IGSF3: variants seen among roughly 807,000 people sequenced by gnomAD.
IGSF3 encodes glu-Trp-Ile EWI motif-containing protein 3.
Under a neutral mutation model 114.4 loss-of-function variants are expected in IGSF3, and 23 were observed. The observed-to-expected ratio is 0.20, with a 90% CI of 0.14 to 0.28. The LOEUF (loss-of-function observed/expected upper bound fraction) is 0.28. Among genes scored for constraint, IGSF3 ranks in the 10% least tolerant of loss-of-function variants. IGSF3 has a pLI of 1.00. For synonymous variants in IGSF3, 571 were observed against 645.2 expected (o/e 0.88, Z 1.74); for missense variants, 1,172 against 1,591.5 (o/e 0.74, Z 4.48).
At position 116,638,880 on chromosome 1, in the gene IGSF3, A is replaced by T. The variant is rs1647953687; in HGVS notation, c.44-22423T>A. On this transcript the variant is annotated intron_variant, in intron 2 of 10. Transcript: ENST00000369486. This position sits in a 1 kb window ranked among gnomAD's most constrained non-coding sequence, Gnocchi z 4.1. ...ACCTGCAGATGAGTATGGCACCCCA[A>T]GGTTAAGTATCTGCCCAGGGTCACG... Among the ~76,000 whole-genome samples the T allele has an allele frequency of 6.6e-6, 1 of 152,172 alleles. No individual in the cohort carries two copies. Among genetic ancestry groups the T allele is most frequent in the Admixed American group, 6.5e-5 (1 of 15,282 alleles).
chr1:116,606,359 T>A (rs768676075), intron 5 of IGSF3: 13 of 1,141,738 alleles, frequency 1.1e-5, no homozygotes, highest in Non-Finnish European at 1.4e-5. Flanking sequence ...CTACGAGGAT[T>A]TGAGAGGTGG....
Position 116,662,805 on chromosome 1 carries a change from G to A in IGSF3, c.43+3479C>T, listed in dbSNP as rs1649168220. ...TTCTTTCAGAACCCTTCTCCTGATTGCTCCAAACCATCTCACTTTTCTCTG... is the reference window on the plus strand; with the variant it reads ...TTCTTTCAGAACCCTTCTCCTGATTACTCCAAACCATCTCACTTTTCTCTG... On this transcript the variant is annotated intron_variant, in intron 2 of 10. Transcript: ENST00000369486. This position sits in a 1 kb window ranked among gnomAD's most constrained non-coding sequence, Gnocchi z 4.3. Among the ~76,000 whole-genome samples the A allele has an allele frequency of 6.6e-6, 1 of 152,222 alleles. No homozygotes were observed. Among genetic ancestry groups the A allele is most frequent in the African/African-American group, 2.4e-5 (1 of 41,540 alleles).
chr1:116,588,902 G>C lies in IGSF3; in HGVS notation c.2232C>G (p.Tyr744Ter), dbSNP rs200041627. 1 of 1,614,042 alleles carries C rather than the reference G, an allele frequency of 6.2e-7. No homozygotes were observed. Among genetic ancestry groups the C allele is most frequent in the African/African-American group, 1.3e-5 (1 of 74,910 alleles). ...THNSAFEYGTYAEEEGLRARL... is the reference protein window; with the variant it reads ...THNSAFEYGT The stretch of plus-strand genomic sequence containing the variant: ...TGGCTCTCAGGCCCTCCTCCTCGGC[G>C]TAAGTACCGTATTCAAAGGCGGAGT... Residue 744 changes from tyrosine (Y) to a stop codon, truncating the protein, a stop_gained, in exon 8 of 11, where the codon TAC becomes TAG. Transcript: ENST00000369486. LOFTEE classifies it high-confidence loss of function. The surrounding 1 kb of genome is among the most constrained non-coding windows in gnomAD (Gnocchi z 4.9).
chr1:116,606,988 T>C (rs1263363031), intron 5 of IGSF3, among the ~76,000 whole-genome samples: 1 of 152,184 alleles, frequency 6.6e-6, no homozygotes, highest in Admixed American at 6.5e-5. Context: ...CTGTGGCTAC[T>C]TGAAGAGAAA....
chr1:116,616,270 A>G lies in IGSF3; in HGVS notation c.231T>C (p.Ser77=), dbSNP rs1661214145. The part of the protein sequence containing the change: ...REVQIVSTMD[S]SFPYAIYTQR... Reference sequence around the variant, plus strand: ...GGGTGTAGATGGCATAGGGGAAGGAAGAGTCCATGGTGCTGACGATCTGCA... The same window carrying G: ...GGGTGTAGATGGCATAGGGGAAGGAGGAGTCCATGGTGCTGACGATCTGCA... Residue 77 remains serine, a synonymous_variant, in exon 3 of 11, where the codon TCT becomes TCC. Coordinates refer to ENST00000369486, the MANE Select transcript of IGSF3 (RefSeq NM_001007237.3). This position sits in a 1 kb window ranked among gnomAD's most constrained non-coding sequence, Gnocchi z 6.6. 3 of 1,611,572 alleles carry G rather than the reference A, an allele frequency of 1.9e-6. No homozygotes were observed. The highest frequency in any genetic ancestry group is 1.3e-5 in the African/African-American group (1 of 74,884).
intron 10 of IGSF3, among the ~76,000 whole-genome samples, chr1:116,578,827 A>T (rs1462614479): frequency 3.3e-5 from 5 of 152,134 alleles, no homozygotes; most frequent in Non-Finnish European, 7.3e-5. Context: ...GATCATGGAA[A>T]CTGCATTCTG....
In IGSF3 at chr1:116,584,154, A is replaced by G. The variant is rs901140930; in HGVS notation, c.2848+491T>C. 1.3e-5 allele frequency among the ~76,000 whole-genome samples: 2 copies of G among 151,720 alleles called. No homozygotes were observed. The highest frequency in any genetic ancestry group is 6.6e-5 in the Admixed American group (1 of 15,238). On this transcript the variant is annotated intron_variant, in intron 9 of 10. Coordinates refer to ENST00000369486, the MANE Select transcript of IGSF3 (RefSeq NM_001007237.3). The surrounding 1 kb of genome is among the most constrained non-coding windows in gnomAD (Gnocchi z 5.8). ...CAGTGAGCCGAGATCGCACCACTGC[A>G]CTCTGCACTCCAGCCTGGGTGACAG...
Position 116,625,363 on chromosome 1 carries a change from T to A in IGSF3, c.44-8906A>T, listed in dbSNP as rs1358204235. The stretch of plus-strand genomic sequence containing the variant: ...AAAAAGCAGTGACATCTGAATTGGG[T>A]CCCAAAGCACAAGGGAAATATATAC... On this transcript the variant is annotated intron_variant, in intron 2 of 10. Coordinates refer to ENST00000369486, the MANE Select transcript of IGSF3 (RefSeq NM_001007237.3). This position sits in a 1 kb window ranked among gnomAD's most constrained non-coding sequence, Gnocchi z 4.7. Among the ~76,000 whole-genome samples, 1 of 152,192 alleles carries A rather than the reference T, an allele frequency of 6.6e-6. No individual in the cohort carries two copies. Among genetic ancestry groups the A allele is most frequent in the African/African-American group, 2.4e-5 (1 of 41,462 alleles).
At position 116,666,491 on chromosome 1, in the gene IGSF3, TG is replaced by T. The variant is rs1345769954; in HGVS notation, c.-166del. The T allele has an allele frequency of 1.7e-4, 113 of 684,116 alleles. No homozygotes were observed. The highest frequency in any genetic ancestry group is 6.1e-4 in the South Asian group (34 of 56,012). The allele number at this position is 684,116 out of a possible 1,614,324, so 42.4% of individuals were successfully genotyped here. A position where few individuals can be genotyped will look rare whatever the true frequency, so the allele number is the denominator to read the frequency against. Reference sequence around the variant, plus strand: ...AAAGAAGAGATCAGAAGGAGGGAGTTGGGGGGAAGGGGAGGAGTGGAGGCAA... The same window carrying T: ...AAAGAAGAGATCAGAAGGAGGGAGTTGGGGGAAGGGGAGGAGTGGAGGCAA... On this transcript the variant is annotated 5_prime_UTR_variant, in exon 2 of 11. Transcript: ENST00000369486.
chr1:116,657,124 C>CA lies in IGSF3; in HGVS notation c.43+9159dup, dbSNP rs994044257. On this transcript the variant is annotated intron_variant, in intron 2 of 10. Transcript: ENST00000369486. This position sits in a 1 kb window ranked among gnomAD's most constrained non-coding sequence, Gnocchi z 4.2. ...AAGATTTCCTTTTGGGGGCGTTATA[C>CA]AAAAAAGACTGTAAAATTTCATTCT... 2.6e-5 allele frequency among the ~76,000 whole-genome samples: 4 copies of CA among 151,968 alleles called. No individual in the cohort carries two copies. The highest frequency in any genetic ancestry group is 1.9e-4 in the East Asian group (1 of 5,196).
rs1472714248 is a variant in IGSF3, at chr1:116,589,557, G to A, written c.2030-453C>T. Among the ~76,000 whole-genome samples, 1 of 152,046 alleles carries A rather than the reference G, an allele frequency of 6.6e-6. No individual in the cohort carries two copies. Among genetic ancestry groups the A allele is most frequent in the Non-Finnish European group, 1.5e-5 (1 of 68,002 alleles). On this transcript the variant is annotated intron_variant, in intron 7 of 10. Transcript: ENST00000369486. This position sits in a 1 kb window ranked among gnomAD's most constrained non-coding sequence, Gnocchi z 5.7. ...TCACCCTCAGGCACCCTCCACAGGC[G>A]CATGCCCCTGGTGCAGTTTCCCTGA... is the stretch of plus-strand genomic sequence containing the variant.
In IGSF3 at chr1:116,592,667, C is replaced by T. The variant is rs1405648695; in HGVS notation, c.2030-3563G>A. Among the ~76,000 whole-genome samples, 1 of 152,190 alleles carries T rather than the reference C, an allele frequency of 6.6e-6. No homozygotes were observed. Among genetic ancestry groups the T allele is most frequent in the Non-Finnish European group, 1.5e-5 (1 of 68,028 alleles). ...CGGATTCCACTCTGTGCGTGCTCTT[C>T]TCACTCAAAACTCATTTATTTCTTC... is the stretch of plus-strand genomic sequence containing the variant. On this transcript the variant is annotated intron_variant, in intron 7 of 10. Coordinates refer to ENST00000369486, the MANE Select transcript of IGSF3 (RefSeq NM_001007237.3). The surrounding 1 kb of genome is among the most constrained non-coding windows in gnomAD (Gnocchi z 4.5).
chr1:116,663,206 A>T (rs1649184699), intron 2 of IGSF3, among the ~76,000 whole-genome samples: 1 of 152,188 alleles, frequency 6.6e-6, no homozygotes, highest in African/African-American at 2.4e-5. Context: ...TCTAAAGCTT[A>T]TATTCATCTT....
In IGSF3 at chr1:116,632,298, A is replaced by G. The variant is rs534329562; in HGVS notation, c.44-15841T>C. On this transcript the variant is annotated intron_variant, in intron 2 of 10. Transcript: ENST00000369486. This position sits in a 1 kb window ranked among gnomAD's most constrained non-coding sequence, Gnocchi z 5.1. ...AAACCTCCCACCCCACCTAGTGCTG[A>G]TAACAGGAGTTATCAGTTGCTTTTT... is the stretch of plus-strand genomic sequence containing the variant. 1.3e-5 allele frequency among the ~76,000 whole-genome samples: 2 copies of G among 152,294 alleles called. No individual in the cohort carries two copies. The highest frequency in any genetic ancestry group is 1.9e-4 in the East Asian group (1 of 5,180).
intron 5 of IGSF3, among the ~76,000 whole-genome samples, chr1:116,606,985 T>TACTTGAAGAGAAATATCAC (rs1201748454): frequency 1.3e-5 from 2 of 152,216 alleles, no homozygotes; most frequent in Admixed American, 6.5e-5. Flanking sequence ...CCGCTGTGGC[T>TACTTGAAGAGAAATATCAC]ACTTGAAGAG....
intron 1 of IGSF3, among the ~76,000 whole-genome samples, chr1:116,667,310 C>T (rs183305722): frequency 6.6e-6 from 1 of 152,280 alleles, no homozygotes; most frequent in Non-Finnish European, 1.5e-5. Context: ...CCGCCCCAAC[C>T]GTGGGAGCTC....
intron 4 of IGSF3, among the ~76,000 whole-genome samples, 173 bp downstream of exon 4, chr1:116,613,592 T>C (rs1413075786): frequency 6.6e-6 from 1 of 152,232 alleles, no homozygotes; most frequent in Non-Finnish European, 1.5e-5. Context: ...AGGATACCTA[T>C]GTCCCACACA....
chr1:116,641,080 G>A (rs145564797), intron 2 of IGSF3, among the ~76,000 whole-genome samples: 1 of 152,202 alleles, frequency 6.6e-6, no homozygotes, highest in African/African-American at 2.4e-5. Context: ...GAGGGTAGGG[G>A]AGTGATGGTA....
rs1430443353 is a variant in IGSF3, at chr1:116,625,462, G to A, written c.44-9005C>T. Among the ~76,000 whole-genome samples, 1 of 152,174 alleles carries A rather than the reference G, an allele frequency of 6.6e-6. No homozygotes were observed. Among genetic ancestry groups the A allele is most frequent in the Non-Finnish European group, 1.5e-5 (1 of 68,038 alleles). ...AGGTCGTTTTGTCACATGACTGGAG[G>A]GCACATCAGTGCCAGGCGGAAAAGG... is the stretch of plus-strand genomic sequence containing the variant. On this transcript the variant is annotated intron_variant, in intron 2 of 10. Coordinates refer to ENST00000369486, the MANE Select transcript of IGSF3 (RefSeq NM_001007237.3). This position sits in a 1 kb window ranked among gnomAD's most constrained non-coding sequence, Gnocchi z 4.7.
Sources: gnomAD v4.1 joint callset for allele counts (sites outside exome capture counted in the v4.1 genomes callset) on GRCh38, gnomAD v4.1.1 for gene constraint, Gnocchi (gnomAD v3.1) non-coding constraint, MANE v1.5 for transcripts, NCBI Gene and HGNC (gene_info 2026-07-23, HGNC 2026-07-21) for gene names.